Variants in KCNK3 observed in about 807,000 individuals in gnomAD.
KCNK3 encodes potassium two pore domain channel subfamily K member 3, also known as potassium channel subfamily K member 3.
A neutral mutation model predicts 27.3 loss-of-function variants in KCNK3; 9 were observed. The ratio of observed to expected loss-of-function variants is 0.33; its 90% CI spans 0.20 to 0.57. The LOEUF is 0.57. Among genes scored for constraint, KCNK3 ranks in the 20% least tolerant of loss-of-function variants. KCNK3 has a pLI of 0.87. For synonymous variants in KCNK3, 278 were observed against 273.8 expected (o/e 1.02, Z -0.15); for missense variants, 391 against 577.7 (o/e 0.68, Z 3.31).
intron 1 of KCNK3, among the ~76,000 whole-genome samples, chr2:26,713,334 G>A (rs1663160132): frequency 6.6e-6 from 1 of 152,226 alleles, no homozygotes; most frequent in East Asian, 1.9e-4. Context: ...AAATGGTGAG[G>A]GAGTCAGGAG....
At chr2:26,696,342 T>A (rs1363757876) in intron 1 of KCNK3, among the ~76,000 whole-genome samples, 1 of 151,972 alleles carries the variant, frequency 6.6e-6, no homozygotes, top group African/African-American at 2.4e-5. Context: ...AGAGTCAGAG[T>A]GGGAAGCTGG....
rs780245291 is a variant in KCNK3, at chr2:26,727,983, C to T, written c.600C>T (p.Ile200=). 3.1e-6 allele frequency: 5 copies of T among 1,614,154 alleles called. No homozygotes were observed. The highest frequency in any genetic ancestry group is 1.3e-5 in the African/African-American group (1 of 74,948). The change falls in exon 2 of 2, where the codon ATC becomes ATT. Residue 200 remains isoleucine, a synonymous_variant. Transcript: ENST00000302909. ...ACTGCTTCATCACCCTCACCACCAT[C>T]GGCTTCGGCGACTACGTGGCGCTGC... is the stretch of plus-strand genomic sequence containing the variant. ...YYYCFITLTT[I]GFGDYVALQK... is the part of the protein sequence containing the mutation.
chr2:26,693,990 CAG>C lies in KCNK3; in HGVS notation c.283+848_283+849del, dbSNP rs143468627. Among the ~76,000 whole-genome samples, 13 of 148,154 alleles carry C rather than the reference CAG, an allele frequency of 8.8e-5. No individual in the cohort carries two copies. Among genetic ancestry groups the C allele is most frequent in the Admixed American group, 2.0e-4 (3 of 14,992 alleles). On this transcript the variant is annotated intron_variant, in intron 1 of 1. Transcript: ENST00000302909. This position sits in a 1 kb window ranked among gnomAD's most constrained non-coding sequence, Gnocchi z 5.5. Reference sequence around the variant, plus strand: ...ACACACACACACACAGAGAGAGAGACAGAGAGAGAGAGAGAGAACAAACGTTG... The same window carrying C: ...ACACACACACACACAGAGAGAGAGACAGAGAGAGAGAGAGAACAAACGTTG...
intron 1 of KCNK3, among the ~76,000 whole-genome samples, chr2:26,707,478 C>A (rs1273946304): frequency 6.6e-6 from 1 of 152,244 alleles, no homozygotes; most frequent in East Asian, 1.9e-4. Context: ...CTGTGTTCTG[C>A]TCATGCACCA....
At chr2:26,710,817 C>T (rs1355936600) in intron 1 of KCNK3, among the ~76,000 whole-genome samples, 1 of 152,200 alleles carries the variant, frequency 6.6e-6, no homozygotes, top group Non-Finnish European at 1.5e-5. Flanking sequence ...AACACCCAGA[C>T]ACCACGGAGG....
chr2:26,706,684 C>T (rs1206967402), intron 1 of KCNK3, among the ~76,000 whole-genome samples: 1 of 152,128 alleles, frequency 6.6e-6, no homozygotes, highest in Non-Finnish European at 1.5e-5. Context: ...AGCTAAGTGC[C>T]CTGGAGTCCC....
intron 1 of KCNK3, among the ~76,000 whole-genome samples, chr2:26,707,467 G>C (rs527450531): frequency 6.6e-6 from 1 of 152,258 alleles, no homozygotes; most frequent in East Asian, 1.9e-4. Context: ...GGTACCGGGA[G>C]CTGTGTTCTG....
At chr2:26,696,423 A>G (rs537944338) in intron 1 of KCNK3, among the ~76,000 whole-genome samples, 3 of 152,244 alleles carry the variant, frequency 2.0e-5, no homozygotes, top group South Asian at 2.1e-4. Context: ...TCCATATGCT[A>G]TGAAGCTCAG....
At chr2:26,694,074 C>T (rs578004574) in intron 1 of KCNK3, among the ~76,000 whole-genome samples, 34 of 152,238 alleles carry the variant, frequency 2.2e-4, no homozygotes, top group Middle Eastern at 6.8e-3. Context: ...ACTGTCCAGA[C>T]GGGAATAACA....
In KCNK3 at chr2:26,728,569, C is replaced by G. The variant is rs758136070; in HGVS notation, c.*1C>G. The G allele has an allele frequency of 1.4e-6, 2 of 1,440,946 alleles. No homozygotes were observed. The highest frequency in any genetic ancestry group is 9.1e-7 in the Non-Finnish European group (1 of 1,096,634). 89.3% of individuals were successfully genotyped at this position (1,440,946 alleles called of 1,614,324 possible). Reference sequence around the variant, plus strand: ...CATGAAGCGCAGGAGCTCCGTGTGACTGCCCCGAGGGGCCTGGAGCACCTG... The same window carrying G: ...CATGAAGCGCAGGAGCTCCGTGTGAGTGCCCCGAGGGGCCTGGAGCACCTG... On this transcript the variant is annotated 3_prime_UTR_variant, in exon 2 of 2. Coordinates refer to ENST00000302909, the MANE Select transcript of KCNK3 (RefSeq NM_002246.3).
chr2:26,728,446 G>T lies in KCNK3; in HGVS notation c.1063G>T (p.Asp355Tyr), dbSNP rs1347967477. Residue 355 changes from aspartate (D) to tyrosine (Y), a missense_variant, in exon 2 of 2, where the codon GAC (aspartate) becomes TAC (tyrosine). Coordinates refer to ENST00000302909, the MANE Select transcript of KCNK3 (RefSeq NM_002246.3). ...SSPGGGGRYS[D>Y]TPSRRCLCSG... is the part of the protein sequence containing the mutation. The stretch of plus-strand genomic sequence containing the variant: ...GCCGGGAGGGGGCGGCCGCTACAGC[G>T]ACACGCCCTCGCGACGCTGCCTGTG... The T allele has an allele frequency of 6.3e-7, 1 of 1,585,218 alleles. No individual in the cohort carries two copies. Among genetic ancestry groups the T allele is most frequent in the Non-Finnish European group, 8.6e-7 (1 of 1,162,682 alleles).
chr2:26,724,568 C>CTTA (rs1177492132), intron 1 of KCNK3: 1 of 982,592 alleles, frequency 1.0e-6, no homozygotes, highest in Non-Finnish European at 1.2e-6. Context: ...AGGGTAAGAA[C>CTTA]TTATTATTCT....
At chr2:26,716,170 GC>G (rs994973315) in intron 1 of KCNK3, among the ~76,000 whole-genome samples, 1 of 152,122 alleles carries the variant, frequency 6.6e-6, no homozygotes, top group African/African-American at 2.4e-5. Flanking sequence ...GAAAAAAACT[GC>G]CTTTGAATTT....
intron 1 of KCNK3, among the ~76,000 whole-genome samples, chr2:26,698,552 T>C (rs1670263501): frequency 6.6e-6 from 1 of 152,228 alleles, no homozygotes; most frequent in Non-Finnish European, 1.5e-5. Flanking sequence ...TTATTATTGT[T>C]ATTAATACTA....
chr2:26,692,980 G>A lies in KCNK3; in HGVS notation c.105G>A (p.Leu35=). The change falls in exon 1 of 2, where the codon CTG becomes CTA. Residue 35 remains leucine, a synonymous_variant. Coordinates refer to ENST00000302909, the MANE Select transcript of KCNK3 (RefSeq NM_002246.3). This position sits in a 1 kb window ranked among gnomAD's most constrained non-coding sequence, Gnocchi z 5.6. ...VFDALESEPE[L]IERQRLELRQ... The stretch of plus-strand genomic sequence containing the variant: ...ACGCGCTGGAGTCGGAGCCCGAGCT[G>A]ATCGAGCGGCAGCGGCTGGAGCTGC... The A allele has an allele frequency of 5.1e-6, 8 of 1,574,286 alleles. No individual in the cohort carries two copies. Among genetic ancestry groups the A allele is most frequent in the African/African-American group, 1.4e-5 (1 of 73,892 alleles).
At chr2:26,724,572 T>C (rs1416625862) in intron 1 of KCNK3, 1 of 983,628 alleles carries the variant, frequency 1.0e-6, no homozygotes, top group African/African-American at 1.7e-5. Context: ...TAAGAACTTA[T>C]TATTCTTAAG....
At chr2:26,709,670 A>T (rs1439473771) in intron 1 of KCNK3, among the ~76,000 whole-genome samples, 1 of 152,214 alleles carries the variant, frequency 6.6e-6, no homozygotes, top group African/African-American at 2.4e-5. Flanking sequence ...CAGGAGAGGC[A>T]GGGAAAGAGC....
rs1663511368 is a variant in KCNK3 at position 26,730,228 on chromosome 2, C to G, written c.*1660C>G. 6.6e-6 allele frequency: 1 copy of G among 152,300 alleles called. No homozygotes were observed. The highest frequency in any genetic ancestry group is 1.5e-5 in the Non-Finnish European group (1 of 68,102). 9.4% of individuals were successfully genotyped at this position (152,300 alleles called of 1,614,324 possible). ...TGGGCAGAGTGGCCAAGAAAGCTGGCAGGCATATCCTATGGGACATCACAC... is the reference window on the plus strand; with the variant it reads ...TGGGCAGAGTGGCCAAGAAAGCTGGGAGGCATATCCTATGGGACATCACAC... On this transcript the variant is annotated 3_prime_UTR_variant, in exon 2 of 2. Coordinates refer to ENST00000302909, the MANE Select transcript of KCNK3 (RefSeq NM_002246.3).
chr2:26,705,487 T>A (rs559855969), intron 1 of KCNK3, among the ~76,000 whole-genome samples: 53 of 152,214 alleles, frequency 3.5e-4, no homozygotes, highest in African/African-American at 1.2e-3. Context: ...TTCCTGCAAT[T>A]GAGGGTCAGT....
Sources: gnomAD v4.1 joint callset for allele counts (sites outside exome capture counted in the v4.1 genomes callset) on GRCh38, gnomAD v4.1.1 for gene constraint, Gnocchi (gnomAD v3.1) non-coding constraint, MANE v1.5 for transcripts, NCBI Gene and HGNC (gene_info 2026-07-23, HGNC 2026-07-21) for gene names.